Variants in SPOCK3 observed in about 807,000 individuals in gnomAD.
SPOCK3 encodes SPARC (osteonectin), cwcv and kazal like domains proteoglycan 3.
In SPOCK3, 30 loss-of-function variants were observed where a neutral mutation model predicts 56.6. That is an observed-to-expected ratio of 0.53 (90% CI 0.40 to 0.72). The LOEUF is 0.72. SPOCK3 is among the 30% of genes least tolerant of loss of function. The pLI, the probability that SPOCK3 is intolerant of heterozygous loss-of-function variation, is 0.00. For missense variants in SPOCK3, 527 were observed against 530.0 expected (o/e 0.99, Z 0.06); for synonymous variants, 196 against 183.3 (o/e 1.07, Z -0.56).
At chr4:167,064,054 T>A (rs146832717) in intron 2 of SPOCK3, among the ~76,000 whole-genome samples, 17 of 151,880 alleles carry the variant, frequency 1.1e-4, no homozygotes, top group Non-Finnish European at 2.1e-4. Flanking sequence ...CTCCACTGTA[T>A]AAGGAAGAAA....
chr4:166,797,502 C>G (rs972075554), intron 6 of SPOCK3, among the ~76,000 whole-genome samples: 2 of 151,800 alleles, frequency 1.3e-5, no homozygotes, highest in African/African-American at 4.8e-5. Context: ...ATCTCTATTT[C>G]CTTTTCCTAG....
At chr4:167,054,105 G>C (rs901175300) in intron 3 of SPOCK3, among the ~76,000 whole-genome samples, 2 of 152,134 alleles carry the variant, frequency 1.3e-5, no homozygotes, top group African/African-American at 4.8e-5. Flanking sequence ...GACACCTAGA[G>C]ATTTATGATA....
chr4:167,056,239 G>A (rs890425524), intron 3 of SPOCK3, among the ~76,000 whole-genome samples: 1 of 152,204 alleles, frequency 6.6e-6, no homozygotes, highest in African/African-American at 2.4e-5. Flanking sequence ...CTGCAGCTGA[G>A]GGTCCTGCCT....
chr4:166,925,913 TTC>T (rs1393208603), intron 4 of SPOCK3, among the ~76,000 whole-genome samples: 1 of 152,176 alleles, frequency 6.6e-6, no homozygotes, highest in Non-Finnish European at 1.5e-5. Flanking sequence ...ATTTACCAGT[TTC>T]TGTTTGTTTA....
intron 5 of SPOCK3, among the ~76,000 whole-genome samples, chr4:166,892,317 T>C (rs1734868094): frequency 6.6e-6 from 1 of 151,888 alleles, no homozygotes; most frequent in Admixed American, 6.6e-5. Flanking sequence ...AGAATGATTC[T>C]ACTCAACACC....
chr4:167,136,099 C>A (rs941171855), intron 2 of SPOCK3, among the ~76,000 whole-genome samples: 2 of 152,064 alleles, frequency 1.3e-5, no homozygotes. Context: ...GCAGTGCCAG[C>A]ATCACCTGGA....
chr4:167,088,074 A>C (rs1003260866), intron 2 of SPOCK3, among the ~76,000 whole-genome samples: 1 of 152,202 alleles, frequency 6.6e-6, no homozygotes, highest in African/African-American at 2.4e-5. Flanking sequence ...TAGAAGCAAA[A>C]GTAAAGATGG....
At chr4:167,069,492 G>A (rs1756465995) in intron 2 of SPOCK3, among the ~76,000 whole-genome samples, 1 of 152,012 alleles carries the variant, frequency 6.6e-6, no homozygotes, top group South Asian at 2.1e-4. Context: ...ATAAACTGTG[G>A]TTTTAAGCCA....
At chr4:166,858,145 C>A (rs1226323897) in intron 6 of SPOCK3, among the ~76,000 whole-genome samples, 8 of 152,174 alleles carry the variant, frequency 5.3e-5, no homozygotes, top group Admixed American at 5.2e-4. Flanking sequence ...AATGTGATTT[C>A]TTCCATTATA....
chr4:167,021,099 T>C (rs993579259), intron 3 of SPOCK3, among the ~76,000 whole-genome samples: 7 of 152,048 alleles, frequency 4.6e-5, no homozygotes, highest in Non-Finnish European at 7.4e-5. Flanking sequence ...GTGTCACTCA[T>C]TGAATAAAAA....
chr4:167,233,265 C>G (rs1561352668), intron 2 of SPOCK3, among the ~76,000 whole-genome samples: 1 of 152,178 alleles, frequency 6.6e-6, no homozygotes, highest in African/African-American at 2.4e-5. Context: ...CTCTTAATAA[C>G]CCTTTTGAAA....
At chr4:167,159,990 A>G (rs968098981) in intron 2 of SPOCK3, among the ~76,000 whole-genome samples, 5 of 152,306 alleles carry the variant, frequency 3.3e-5, no homozygotes, top group African/African-American at 1.2e-4. Context: ...CAAGACAGGG[A>G]TGCCCTCTCT....
intron 2 of SPOCK3, among the ~76,000 whole-genome samples, chr4:167,191,247 TATTGAACAAAA>T (rs1732451176): frequency 6.9e-6 from 1 of 145,800 alleles, no homozygotes; most frequent in Non-Finnish European, 1.5e-5. Flanking sequence ...ATTTTTTTAT[TATTGAACAAAA>T]ATTGAACAAA....
At chr4:166,753,043 C>T (rs569489766) in intron 8 of SPOCK3, among the ~76,000 whole-genome samples, 7 of 151,930 alleles carry the variant, frequency 4.6e-5, no homozygotes, top group Admixed American at 3.3e-4. Context: ...CTATGGGGAC[C>T]TTTAATCAAT....
At chr4:166,906,910 A>T (rs1209413377) in intron 5 of SPOCK3, among the ~76,000 whole-genome samples, 1 of 152,076 alleles carries the variant, frequency 6.6e-6, no homozygotes, top group Non-Finnish European at 1.5e-5. Context: ...TTAGCTGAGT[A>T]ACACTGGTCA....
At chr4:166,859,639 C>T (rs963339008) in intron 6 of SPOCK3, among the ~76,000 whole-genome samples, 4 of 152,108 alleles carry the variant, frequency 2.6e-5, no homozygotes, top group East Asian at 3.9e-4. Flanking sequence ...GTCTTATAAT[C>T]GACTGGAATA....
intron 6 of SPOCK3, among the ~76,000 whole-genome samples, chr4:166,862,654 A>G (rs1579459317): frequency 6.6e-6 from 1 of 152,104 alleles, no homozygotes; most frequent in East Asian, 1.9e-4. Flanking sequence ...CTTTGTTAAT[A>G]CTACACAAAT....
intron 6 of SPOCK3, 85 bp from the exon 7 acceptor site, chr4:166,792,374 A>G: frequency 6.8e-7 from 1 of 1,462,418 alleles, no homozygotes; most frequent in Non-Finnish European, 9.4e-7. Flanking sequence ...AATAAACTGA[A>G]AGGTAAGAAC....
rs1743524496 is a variant in SPOCK3, at chr4:166,809,358, C to T, written c.590-17069G>A. On this transcript the variant is annotated intron_variant, in intron 6 of 10. Transcript: ENST00000357545. ...ACTGTAGGGCCACTTCCTTTTATGG[C>T]TTAAGCCATACTATTCCAATGAATA... is the stretch of plus-strand genomic sequence containing the variant. 3.3e-5 allele frequency among the ~76,000 whole-genome samples: 5 copies of T among 152,088 alleles called. No homozygotes were observed. In the South Asian group the frequency reaches 1.0e-3, roughly 32 times the overall value.
Sources: gnomAD v4.1 joint callset for allele counts (sites outside exome capture counted in the v4.1 genomes callset) on GRCh38, gnomAD v4.1.1 for gene constraint, MANE v1.5 for transcripts, NCBI Gene and HGNC (gene_info 2026-07-23, HGNC 2026-07-21) for gene names.